Variants in ESCO1 observed in about 807,000 individuals in gnomAD.
ESCO1 encodes establishment of sister chromatid cohesion N-acetyltransferase 1.
Under a neutral mutation model 83.5 loss-of-function variants are expected in ESCO1, and 33 were observed. That is an observed-to-expected ratio of 0.40 (90% CI 0.30 to 0.53). The LOEUF (loss-of-function observed/expected upper bound fraction) is 0.53. Among genes scored for constraint, ESCO1 ranks in the 20% least tolerant of loss-of-function variants. The pLI is 0.63. For synonymous variants in ESCO1, 332 were observed against 324.3 expected (o/e 1.02, Z -0.25); for missense variants, 855 against 968.0 (o/e 0.88, Z 1.55).
rs1288575389 is a variant in ESCO1 at position 21,553,389 on chromosome 18, T to G, written c.1953+7470A>C. On this transcript the variant is annotated intron_variant, in intron 8 of 11. Transcript: ENST00000269214. ...TGGGATGCCAAGGCAGGTGGATCAC[T>G]TGCACCCAGAGTTCGAAATAAGCTA... Among the ~76,000 whole-genome samples the G allele has an allele frequency of 2.1e-5, 3 of 139,568 alleles. No homozygotes were observed. In the East Asian group the frequency reaches 6.3e-4, roughly 29 times the overall value. The allele number at this position is 139,568 out of a possible 152,430, so 91.6% of individuals were successfully genotyped here.
chr18:21,590,260 C>T (rs1439667118), intron 1 of ESCO1, among the ~76,000 whole-genome samples: 12 of 150,378 alleles, frequency 8.0e-5, no homozygotes, highest in African/African-American at 2.2e-4. Flanking sequence ...CTCACTCTGT[C>T]GCCCAGGCTG....
intron 8 of ESCO1, among the ~76,000 whole-genome samples, chr18:21,558,145 C>T (rs2038136293): frequency 6.6e-6 from 1 of 151,762 alleles, no homozygotes. Flanking sequence ...GCCACCACGC[C>T]CAGCTAACTT....
intron 2 of ESCO1, among the ~76,000 whole-genome samples, chr18:21,582,096 T>G (rs1468180461): frequency 1.3e-5 from 2 of 151,970 alleles, no homozygotes; most frequent in Non-Finnish European, 2.9e-5. Flanking sequence ...ATAAATTAAT[T>G]AGTTAATTAA....
At chr18:21,549,639 T>C (rs1192104822) in intron 8 of ESCO1, among the ~76,000 whole-genome samples, 1 of 152,112 alleles carries the variant, frequency 6.6e-6, no homozygotes, top group Non-Finnish European at 1.5e-5. Context: ...GGTTTCAATG[T>C]ATGTATTTGG....
At chr18:21,553,088 G>C (rs915889245) in intron 8 of ESCO1, among the ~76,000 whole-genome samples, 1 of 152,156 alleles carries the variant, frequency 6.6e-6, no homozygotes, top group Admixed American at 6.6e-5. Context: ...TCAGGAGTTT[G>C]TGACCAAGCT....
intron 1 of ESCO1, among the ~76,000 whole-genome samples, chr18:21,591,621 TATC>T (rs984044243): frequency 6.6e-5 from 10 of 152,094 alleles, no homozygotes; most frequent in African/African-American, 2.4e-4. Flanking sequence ...ATCACACTGT[TATC>T]ATCAACTCCA....
Position 21,573,319 on chromosome 18 carries a change from T to C in ESCO1, c.1525A>G (p.Asn509Asp), listed in dbSNP as rs758108831. ...GCATAATAAAAACAGATTACCTTAT[T>C]TGATGCTGAATCAAAAGAATGTTTC... is the stretch of plus-strand genomic sequence containing the variant. ...QMKHSFDSASNKNFSQCLESK... is the reference protein window; with the variant it reads ...QMKHSFDSASDKNFSQCLESK... Residue 509 changes from asparagine (N) to aspartate (D), a missense_variant, in exon 4 of 12, where the codon AAT (asparagine) becomes GAT (aspartate). Around this residue, in one of 2 missense-constraint regions of ESCO1, gnomAD observed 726 missense variants for 699.5 expected, o/e 1.04. Transcript: ENST00000269214. The C allele has an allele frequency of 5.1e-6, 8 of 1,567,824 alleles. 1 individual carries two copies. The highest frequency in any genetic ancestry group is 3.7e-5 in the South Asian group (3 of 81,720).
At chr18:21,589,986 C>T (rs2038641136) in intron 1 of ESCO1, among the ~76,000 whole-genome samples, 1 of 151,778 alleles carries the variant, frequency 6.6e-6, no homozygotes, top group Admixed American at 6.6e-5. Context: ...CGCCACCACA[C>T]CGGGCTAATT....
At chr18:21,582,528 G>C (rs571010576) in intron 2 of ESCO1, among the ~76,000 whole-genome samples, 117 of 152,262 alleles carry the variant, frequency 7.7e-4, no homozygotes, top group Non-Finnish European at 1.5e-3. Flanking sequence ...TGTCCAGCCA[G>C]GAAATCCTTA....
At position 21,552,539 on chromosome 18, in the gene ESCO1, T is replaced by C. The variant is rs142273868; in HGVS notation, c.1953+8320A>G. 3.3e-5 allele frequency among the ~76,000 whole-genome samples: 5 copies of C among 152,336 alleles called. No individual in the cohort carries two copies. In the East Asian group the frequency reaches 9.6e-4, roughly 29 times the overall value. ...AAGTTTCCTAAGGCCTTCCTAGCCA[T>C]GCAGAACTGTGAGTTAATTAAACCT... On this transcript the variant is annotated intron_variant, in intron 8 of 11. Coordinates refer to ENST00000269214, the MANE Select transcript of ESCO1 (RefSeq NM_052911.3).
chr18:21,592,900 C>T (rs1288231550), intron 1 of ESCO1: 12 of 169,386 alleles, frequency 7.1e-5, no homozygotes, highest in African/African-American at 2.7e-4. Context: ...AGACGCTCCT[C>T]ACCTCCCAGA....
chr18:21,557,290 T>C (rs2038125769), intron 8 of ESCO1, among the ~76,000 whole-genome samples: 1 of 152,198 alleles, frequency 6.6e-6, no homozygotes, highest in Non-Finnish European at 1.5e-5. Context: ...CTAGTCTCAT[T>C]ATCCACAAAA....
intron 1 of ESCO1, among the ~76,000 whole-genome samples, chr18:21,585,042 T>C (rs1021310346): frequency 6.7e-6 from 1 of 150,122 alleles, no homozygotes; most frequent in Admixed American, 6.7e-5. Context: ...CTCGTGAGGC[T>C]GAGGCAGAGA....
chr18:21,571,556 A>G (rs1012451006), intron 4 of ESCO1, among the ~76,000 whole-genome samples: 4 of 152,230 alleles, frequency 2.6e-5, no homozygotes, highest in Admixed American at 1.3e-4. Context: ...TTTCAGTAAA[A>G]GCAATGTTAT....
chr18:21,585,196 C>T (rs1362293284), intron 1 of ESCO1, among the ~76,000 whole-genome samples: 1 of 151,190 alleles, frequency 6.6e-6, no homozygotes, highest in East Asian at 1.9e-4. Flanking sequence ...AATCTTATAC[C>T]ATATAATACA....
At position 21,594,925 on chromosome 18, in the gene ESCO1, C is replaced by CTGTGTGTGTGTGTG. The variant is rs35336026; in HGVS notation, c.-825+5684_-825+5697dup. ...GATGGGCTAAAATAGTCTACAACTA[C>CTGTGTGTGTGTGTG]TGTGTGTGTGTGTGTGTGTGTGTGT... On this transcript the variant is annotated intron_variant, in intron 1 of 11. Coordinates refer to ENST00000269214, the MANE Select transcript of ESCO1 (RefSeq NM_052911.3). Among the ~76,000 whole-genome samples the CTGTGTGTGTGTGTG allele has an allele frequency of 2.9e-3, 412 of 143,770 alleles. 3 individuals are homozygous for CTGTGTGTGTGTGTG. The highest frequency in any genetic ancestry group is 7.4e-3 in the East Asian group (35 of 4,760). 94.3% of individuals were successfully genotyped at this position (143,770 alleles called of 152,430 possible). A position where few individuals can be genotyped will look rare whatever the true frequency, so the allele number is the denominator to read the frequency against.
rs193204756 is a variant in ESCO1 at position 21,563,344 on chromosome 18, A to G, written c.1821+859T>C. Among the ~76,000 whole-genome samples the G allele has an allele frequency of 8.3e-4, 126 of 152,170 alleles. 2 individuals are homozygous for G. The highest frequency in any genetic ancestry group is 2.9e-3 in the African/African-American group (119 of 41,520). ...GTCACTATTTAAGAAGGGGGTTGTA[A>G]TAACACCAGGAATATTTTTCTGAGA... On this transcript the variant is annotated intron_variant, in intron 7 of 11. Transcript: ENST00000269214.
At chr18:21,588,588 T>A (rs116729632) in intron 1 of ESCO1, among the ~76,000 whole-genome samples, 177 of 152,124 alleles carry the variant, frequency 1.2e-3, no homozygotes, top group African/African-American at 4.1e-3. Flanking sequence ...ACAATATGTA[T>A]AAGATATCCT....
At chr18:21,556,195 AG>A (rs1302982929) in intron 8 of ESCO1, among the ~76,000 whole-genome samples, 2 of 152,194 alleles carry the variant, frequency 1.3e-5, no homozygotes, top group African/African-American at 4.8e-5. Flanking sequence ...TTGAGGCTAC[AG>A]TGAGCTATAA....
Sources: gnomAD v4.1 joint callset for allele counts (sites outside exome capture counted in the v4.1 genomes callset) on GRCh38, gnomAD v4.1.1 for gene constraint, gnomAD v4.1.1 regional missense constraint, MANE v1.5 for transcripts, NCBI Gene and HGNC (gene_info 2026-07-23, HGNC 2026-07-21) for gene names.